The following TBCA variants were observed in gnomAD, a reference collection of about 807,000 sequenced individuals.
TBCA encodes the protein tubulin folding cofactor A.
A neutral mutation model predicts 15.8 loss-of-function variants in TBCA; 6 were observed. That is an observed-to-expected ratio of 0.38 (90% confidence interval 0.21 to 0.75). TBCA has a LOEUF of 0.75. Among genes scored for constraint, TBCA ranks in the 30% least tolerant of loss-of-function variants. TBCA has a pLI of 0.46. For missense variants in TBCA, 90 were observed against 131.2 expected, an observed-to-expected ratio of 0.69 and a Z score of 1.53; for synonymous variants, 32 against 42.3, an observed-to-expected ratio of 0.76 and a Z score of 0.94.
At chr5:77,744,531 CTTTTTTTTTT>C (rs70991305) in intron 1 of TBCA, among the ~76,000 whole-genome samples, 3 of 82,968 alleles carry the variant, frequency 3.6e-5, no homozygotes, top group African/African-American at 5.1e-5. Context: ...TCTTATTCAC[CTTTTTTTTTT>C]TTTTTTTTTT....
intron 1 of TBCA, among the ~76,000 whole-genome samples, chr5:77,720,297 T>TAAA (rs1746498713): frequency 6.6e-6 from 1 of 152,170 alleles, no homozygotes; most frequent in Non-Finnish European, 1.5e-5. Context: ...GTTTTGTTTT[T>TAAA]AAGTGAGACT....
At chr5:77,702,391 G>A (rs922833254) in intron 2 of TBCA, among the ~76,000 whole-genome samples, 8 of 152,076 alleles carry the variant, frequency 5.3e-5, no homozygotes, top group Non-Finnish European at 8.8e-5. Flanking sequence ...TGGACCTAAA[G>A]GGAATTATAT....
chr5:77,717,723 T>G (rs952021117), intron 1 of TBCA, among the ~76,000 whole-genome samples: 2 of 151,846 alleles, frequency 1.3e-5, no homozygotes, highest in African/African-American at 2.4e-5. Flanking sequence ...TCCCAACTAC[T>G]CGGGAGGCTG....
chr5:77,734,343 A>G (rs1176792544), intron 1 of TBCA, among the ~76,000 whole-genome samples: 2 of 152,238 alleles, frequency 1.3e-5, no homozygotes, highest in African/African-American at 4.8e-5. Flanking sequence ...AGAAAATTTG[A>G]AAACCTTCTG....
Position 77,767,435 on chromosome 5 carries a change from T to C in TBCA, c.53+8770A>G, listed in dbSNP as rs140279240. On this transcript the variant is annotated intron_variant, in intron 1 of 3. Coordinates refer to ENST00000380377, the MANE Select transcript of TBCA (RefSeq NM_004607.3). The stretch of plus-strand genomic sequence containing the variant: ...GCACTAGAATTGTAAGAATGTCTTG[T>C]AATCATTGTGTGAATCATTTATAGA... Among the ~76,000 whole-genome samples, 899 of 152,350 alleles carry C rather than the reference T, an allele frequency of 5.9e-3. 3 individuals carry two copies. The highest frequency in any genetic ancestry group is 0.011 in the Non-Finnish European group (717 of 68,038).
chr5:77,712,279 A>G (rs576567273), intron 1 of TBCA, among the ~76,000 whole-genome samples: 1 of 152,308 alleles, frequency 6.6e-6, no homozygotes, highest in South Asian at 2.1e-4. Context: ...TGTCAGAATT[A>G]TTAAATTTCT....
intron 1 of TBCA, among the ~76,000 whole-genome samples, chr5:77,729,985 T>C (rs1746727758): frequency 6.6e-6 from 1 of 152,234 alleles, no homozygotes; most frequent in South Asian, 2.1e-4. Flanking sequence ...TACTTTAATA[T>C]ATTCCTAAGT....
chr5:77,720,521 T>A (rs373901669), intron 1 of TBCA, among the ~76,000 whole-genome samples: 1 of 151,794 alleles, frequency 6.6e-6, no homozygotes, highest in South Asian at 2.1e-4. Context: ...CAAGACCAGC[T>A]TGGCCAACAT....
chr5:77,695,528 A>G (rs1188616549), intron 2 of TBCA, among the ~76,000 whole-genome samples: 5 of 152,200 alleles, frequency 3.3e-5, no homozygotes, highest in Admixed American at 3.3e-4. Context: ...CACAAACCAC[A>G]TCTTCATCAA....
chr5:77,767,705 A>C (rs1352450066), intron 1 of TBCA, among the ~76,000 whole-genome samples: 1 of 152,236 alleles, frequency 6.6e-6, no homozygotes, highest in Non-Finnish European at 1.5e-5. Context: ...CAGAACAAGC[A>C]ACTAAAACAC....
At chr5:77,714,976 A>G (rs898962333) in intron 1 of TBCA, among the ~76,000 whole-genome samples, 4 of 152,252 alleles carry the variant, frequency 2.6e-5, no homozygotes, top group African/African-American at 9.6e-5. Flanking sequence ...GTGGGGAAAT[A>G]AAATTAAATA....
At chr5:77,725,257 AT>A (rs1480971802) in intron 1 of TBCA, among the ~76,000 whole-genome samples, 1 of 151,988 alleles carries the variant, frequency 6.6e-6, no homozygotes, top group Non-Finnish European at 1.5e-5. Flanking sequence ...CATTCTACTA[AT>A]CTCCTGTCTT....
intron 1 of TBCA, among the ~76,000 whole-genome samples, chr5:77,734,618 T>C (rs1167762219): frequency 5.3e-5 from 8 of 152,086 alleles, no homozygotes; most frequent in Admixed American, 5.2e-4. Context: ...GCAAAGAAAA[T>C]GGTTTCTTGA....
Position 77,691,474 on chromosome 5 carries a change from C to T in TBCA, c.271G>A (p.Ala91Thr). 6.3e-7 allele frequency: 1 copy of T among 1,595,566 alleles called. No homozygotes were observed. The highest frequency in any genetic ancestry group is 1.4e-5 in the African/African-American group (1 of 73,816). ...ILENEKDLEEAEEYKEARLVL... is the reference protein window; with the variant it reads ...ILENEKDLEETEEYKEARLVL... ...AAACGTGCTTCTTTATATTCCTCAG[C>T]TTCTTCCAAGTCTTTTTCATTTTCC... Residue 91 changes from alanine (A) to threonine (T), a missense_variant, in exon 4 of 4, where the codon GCT becomes ACT. Coordinates refer to ENST00000380377, the MANE Select transcript of TBCA (RefSeq NM_004607.3).
At position 77,734,062 on chromosome 5, in the gene TBCA, A is replaced by G. The variant is rs138817873; in HGVS notation, c.54-25715T>C. 6.2e-3 allele frequency among the ~76,000 whole-genome samples: 939 copies of G among 152,304 alleles called. 4 individuals carry two copies. The highest frequency in any genetic ancestry group is 8.4e-3 in the Non-Finnish European group (570 of 68,020). On this transcript the variant is annotated intron_variant, in intron 1 of 3. Coordinates refer to ENST00000380377, the MANE Select transcript of TBCA (RefSeq NM_004607.3). ...GACAGCACAACTGTTTATAGCATGA[A>G]TATTTTAAGCTCACTGTTGAGACCT...
intron 2 of TBCA, among the ~76,000 whole-genome samples, chr5:77,699,033 C>CAAAA (rs71608119): frequency 0.015 from 1,040 of 69,676 alleles, 6 homozygotes; most frequent in East Asian, 0.025. Context: ...GCAAGAGCAT[C>CAAAA]AAAAAAAAAA....
intron 2 of TBCA, among the ~76,000 whole-genome samples, chr5:77,700,439 T>G (rs1745986410): frequency 6.6e-6 from 1 of 151,726 alleles, no homozygotes; most frequent in Non-Finnish European, 1.5e-5. Flanking sequence ...AGACAGCAAA[T>G]AAGCACATGA....
intron 1 of TBCA, among the ~76,000 whole-genome samples, chr5:77,724,393 C>T (rs1043024107): frequency 6.6e-6 from 1 of 152,050 alleles, no homozygotes; most frequent in Non-Finnish European, 1.5e-5. Context: ...ATTACATCAA[C>T]ACACACCTAT....
chr5:77,773,272 T>C (rs1180580050), intron 1 of TBCA, among the ~76,000 whole-genome samples: 1 of 152,130 alleles, frequency 6.6e-6, no homozygotes, highest in African/African-American at 2.4e-5. Flanking sequence ...AAGGAGAAAG[T>C]TGTAGATTTG....
Sources: gnomAD v4.1 joint callset for allele counts (sites outside exome capture counted in the v4.1 genomes callset) on GRCh38, gnomAD v4.1.1 for gene constraint, MANE v1.5 for transcripts, NCBI Gene and HGNC (gene_info 2026-07-23, HGNC 2026-07-21) for gene names.